Variants in ERBB4 observed in about 807,000 individuals in gnomAD.
ERBB4 encodes the protein receptor tyrosine-protein kinase erbB-4.
A neutral mutation model predicts 158.0 loss-of-function variants in ERBB4; 42 were observed. The observed-to-expected ratio is 0.27, with a 90% confidence interval of 0.21 to 0.34. The LOEUF is 0.34. Ranked by LOEUF, ERBB4 falls within the 10% of genes least tolerant of loss-of-function variation. ERBB4 has a pLI of 1.00. For synonymous variants in ERBB4, 583 were observed against 558.7 expected (o/e 1.04, Z -0.61); for missense variants, 1,333 against 1,624.1 (o/e 0.82, Z 3.08).
At chr2:211,845,517 T>C (rs1348213340) in intron 3 of ERBB4, among the ~76,000 whole-genome samples, 1 of 152,168 alleles carries the variant, frequency 6.6e-6, no homozygotes. Context: ...TTCAGACCTC[T>C]CAGGGGATCT....
intron 1 of ERBB4, among the ~76,000 whole-genome samples, chr2:212,449,821 T>C (rs1051346430): frequency 6.7e-6 from 1 of 150,256 alleles, no homozygotes; most frequent in Non-Finnish European, 1.5e-5. Flanking sequence ...AATTTTTAAA[T>C]TATAATTTAT....
chr2:211,653,895 C>T (rs762097863), intron 16 of ERBB4, among the ~76,000 whole-genome samples: 20 of 152,076 alleles, frequency 1.3e-4, no homozygotes, highest in African/African-American at 4.6e-4. Context: ...AGGCTTGTCT[C>T]GTTCGCCTGA....
intron 19 of ERBB4, among the ~76,000 whole-genome samples, chr2:211,608,871 G>A (rs2069083754): frequency 6.6e-6 from 1 of 152,094 alleles, no homozygotes; most frequent in South Asian, 2.1e-4. Flanking sequence ...TAATTTGGAT[G>A]GAAATCAGCC....
At chr2:211,652,385 T>A (rs550164419) in intron 16 of ERBB4, among the ~76,000 whole-genome samples, 3 of 152,200 alleles carry the variant, frequency 2.0e-5, no homozygotes, top group Non-Finnish European at 4.4e-5. Context: ...TTTATTGGAC[T>A]TAAGGATCAT....
chr2:212,176,908 T>C (rs2125682244), intron 1 of ERBB4, among the ~76,000 whole-genome samples: 1 of 152,094 alleles, frequency 6.6e-6, no homozygotes, highest in East Asian at 1.9e-4. Flanking sequence ...TGGCAGGTAC[T>C]CATGAAGTTA....
chr2:211,800,895 C>T (rs1218986935), intron 3 of ERBB4, among the ~76,000 whole-genome samples: 1 of 152,076 alleles, frequency 6.6e-6, no homozygotes, highest in Non-Finnish European at 1.5e-5. Flanking sequence ...TTGTCAAGTA[C>T]TGTGGGAACT....
At chr2:212,360,210 AT>A (rs71754240) in intron 1 of ERBB4, among the ~76,000 whole-genome samples, 44,118 of 151,546 alleles carry the variant, frequency 0.29, 8,190 homozygotes, top group African/African-American at 0.53. Context: ...TCATAGTCCC[AT>A]TATCAGAGAA....
chr2:212,154,508 G>A (rs991395801), intron 1 of ERBB4, among the ~76,000 whole-genome samples: 1 of 152,106 alleles, frequency 6.6e-6, no homozygotes, highest in Non-Finnish European at 1.5e-5. Context: ...TATGCTAGGA[G>A]TTTAAAAACT....
At chr2:212,130,479 C>T (rs1289089731) in intron 1 of ERBB4, among the ~76,000 whole-genome samples, 1 of 151,960 alleles carries the variant, frequency 6.6e-6, no homozygotes, top group African/African-American at 2.4e-5. Context: ...GGTTGGTTAA[C>T]AGTGGATTAA....
chr2:212,449,042 A>G (rs2092407020), intron 1 of ERBB4, among the ~76,000 whole-genome samples: 1 of 152,074 alleles, frequency 6.6e-6, no homozygotes, highest in Non-Finnish European at 1.5e-5. Flanking sequence ...CACAGATTGT[A>G]TGTGTGTGTG....
intron 1 of ERBB4, among the ~76,000 whole-genome samples, chr2:212,464,817 T>C (rs1688745914): frequency 2.0e-5 from 3 of 152,002 alleles, no homozygotes; most frequent in South Asian, 4.1e-4. Flanking sequence ...ATGATTTACA[T>C]ATAGTCGGCA....
chr2:212,459,422 G>A (rs111795883), intron 1 of ERBB4, among the ~76,000 whole-genome samples: 3,543 of 151,964 alleles, frequency 0.023, 56 homozygotes, highest in African/African-American at 0.045. Context: ...CTCTAAAACT[G>A]TAAAGCACTG....
At chr2:211,467,788 CCTT>C (rs1400961483) in intron 20 of ERBB4, among the ~76,000 whole-genome samples, 4 of 152,154 alleles carry the variant, frequency 2.6e-5, no homozygotes, top group African/African-American at 7.2e-5. Context: ...ATCCATGTCT[CCTT>C]CTCCTCCAAC....
rs1401801716 is a variant in ERBB4 at position 211,431,701 on chromosome 2, C to A, written c.2488-601G>T. Among the ~76,000 whole-genome samples, 3 of 152,048 alleles carry A rather than the reference C, an allele frequency of 2.0e-5. No homozygotes were observed. In the East Asian group the frequency reaches 5.8e-4, roughly 29 times the overall value. The stretch of plus-strand genomic sequence containing the variant: ...AAACCTGTAATTTTTAAGAAGACTT[C>A]TATGGTATCAGTAGTCATTATGAGA... On this transcript the variant is annotated intron_variant, in intron 20 of 27. Transcript: ENST00000342788.
chr2:212,027,824 A>AT (rs557351019), intron 2 of ERBB4, among the ~76,000 whole-genome samples: 13 of 151,084 alleles, frequency 8.6e-5, no homozygotes, highest in African/African-American at 1.7e-4. Context: ...CTTAGTCTTT[A>AT]TTTTTTTTTC....
chr2:211,515,912 A>ATATTT (rs35696520), intron 20 of ERBB4, among the ~76,000 whole-genome samples: 13 of 78,982 alleles, frequency 1.6e-4, no homozygotes, highest in African/African-American at 6.8e-4. Flanking sequence ...ATATATATAT[A>ATATTT]TTTTTTTTTT....
intron 1 of ERBB4, among the ~76,000 whole-genome samples, chr2:212,228,260 TAGA>T (rs1553601869): frequency 1.3e-5 from 2 of 152,108 alleles, no homozygotes; most frequent in Non-Finnish European, 2.9e-5. Context: ...ATGGGAAAAT[TAGA>T]AGAAGATGAC....
intron 19 of ERBB4, among the ~76,000 whole-genome samples, chr2:211,606,244 C>A (rs1473911197): frequency 6.6e-6 from 1 of 152,018 alleles, no homozygotes; most frequent in Admixed American, 6.6e-5. Context: ...GGAATTATAT[C>A]TGGGCTATTT....
At chr2:212,369,153 T>C (rs562062302) in intron 1 of ERBB4, among the ~76,000 whole-genome samples, 1 of 152,168 alleles carries the variant, frequency 6.6e-6, no homozygotes, top group Non-Finnish European at 1.5e-5. Context: ...CTTGAATTAT[T>C]TGCCAAAATT....
Sources: allele counts gnomAD v4.1 joint callset (sites outside exome capture counted in the v4.1 genomes callset), GRCh38; gene constraint gnomAD v4.1.1; transcripts MANE v1.5; gene names NCBI Gene and HGNC (gene_info 2026-07-23, HGNC 2026-07-21).